The following NKAIN3 variants were observed in gnomAD, a reference collection of about 807,000 sequenced individuals.
NKAIN3 encodes sodium/potassium transporting ATPase interacting 3, also known as sodium/potassium-transporting ATPase subunit beta-1-interacting protein 3.
A neutral mutation model predicts 30.2 loss-of-function variants in NKAIN3; 25 were observed. That is an observed-to-expected ratio of 0.83 (90% CI 0.60 to 1.16). The LOEUF is 1.16. NKAIN3 is among the 50% of genes most tolerant of loss of function. The pLI is 0.00. For synonymous variants in NKAIN3, 91 were observed against 89.6 expected, an observed-to-expected ratio of 1.02 and a Z score of -0.09; for missense variants, 225 against 254.1, an observed-to-expected ratio of 0.89 and a Z score of 0.78.
At chr8:62,898,610 C>T (rs946715010) in intron 4 of NKAIN3, among the ~76,000 whole-genome samples, 3 of 152,018 alleles carry the variant, frequency 2.0e-5, no homozygotes, top group African/African-American at 7.2e-5. Flanking sequence ...TACATATTGT[C>T]TCAAACTATG....
At chr8:62,902,630 T>A (rs1170720759) in intron 4 of NKAIN3, among the ~76,000 whole-genome samples, 1 of 152,254 alleles carries the variant, frequency 6.6e-6, no homozygotes, top group Non-Finnish European at 1.5e-5. Context: ...CGTAGTCATG[T>A]GACACATTTA....
intron 3 of NKAIN3, among the ~76,000 whole-genome samples, chr8:62,745,079 A>G (rs1816024978): frequency 6.6e-6 from 1 of 152,168 alleles, no homozygotes; most frequent in Non-Finnish European, 1.5e-5. Flanking sequence ...GGGTTTCCCT[A>G]CTGTCCTTTT....
chr8:62,324,544 G>A (rs1815050330), intron 1 of NKAIN3, among the ~76,000 whole-genome samples: 1 of 152,020 alleles, frequency 6.6e-6, no homozygotes, highest in Non-Finnish European at 1.5e-5. Flanking sequence ...TTAGAAATGG[G>A]TTGTTTTATC....
At chr8:62,717,332 G>T (rs544093496) in intron 3 of NKAIN3, among the ~76,000 whole-genome samples, 1 of 152,130 alleles carries the variant, frequency 6.6e-6, no homozygotes, top group Non-Finnish European at 1.5e-5. Flanking sequence ...AACATATTAA[G>T]CTTCTCAAAT....
intron 4 of NKAIN3, among the ~76,000 whole-genome samples, chr8:62,917,335 G>T (rs1036621471): frequency 6.6e-6 from 1 of 152,156 alleles, no homozygotes; most frequent in Non-Finnish European, 1.5e-5. Flanking sequence ...CCCCTCACCT[G>T]GCTTGAGGTG....
intron 4 of NKAIN3, among the ~76,000 whole-genome samples, chr8:62,818,204 G>A (rs1014149831): frequency 6.6e-5 from 10 of 152,124 alleles, no homozygotes; most frequent in African/African-American, 1.9e-4. Context: ...TTCCTTGTTT[G>A]ATATTTACAA....
At chr8:62,574,851 A>G (rs74453699) in intron 1 of NKAIN3, among the ~76,000 whole-genome samples, 2,567 of 152,198 alleles carry the variant, frequency 0.017, 74 homozygotes, top group African/African-American at 0.059. Context: ...TCTTCTTTCA[A>G]GAAGTAACTC....
At chr8:62,285,139 G>A (rs948035444) in intron 1 of NKAIN3, among the ~76,000 whole-genome samples, 2 of 152,016 alleles carry the variant, frequency 1.3e-5, no homozygotes, top group Admixed American at 6.6e-5. Flanking sequence ...TGTATCCCAC[G>A]CTTCGCAGAT....
intron 3 of NKAIN3, among the ~76,000 whole-genome samples, chr8:62,633,630 C>T (rs1243007549): frequency 2.6e-5 from 4 of 152,098 alleles, no homozygotes; most frequent in African/African-American, 7.2e-5. Context: ...CTGGTGAAGT[C>T]GTGCCCACAA....
chr8:62,401,011 C>G (rs1803846506), intron 1 of NKAIN3, among the ~76,000 whole-genome samples: 1 of 137,540 alleles, frequency 7.3e-6, no homozygotes, highest in Non-Finnish European at 1.6e-5. Flanking sequence ...AACTTTCTAC[C>G]TTTCTCTCAC....
rs758166260 is a variant in NKAIN3 at position 62,965,445 on chromosome 8, C to T, written c.*38C>T. The T allele has an allele frequency of 2.7e-4, 262 of 985,554 alleles. No individual in the cohort carries two copies. Among genetic ancestry groups the T allele is most frequent in the Non-Finnish European group, 3.1e-4 (256 of 829,900 alleles). The allele number at this position is 985,554 out of a possible 1,614,324, so 61.1% of individuals were successfully genotyped here. On this transcript the variant is annotated 3_prime_UTR_variant, in exon 7 of 7. Transcript: ENST00000623646. ...CATTGACTGCGCGCCTCGGTGGATC[C>T]GACCCGCCTGACATTCCTTCCAGAG...
chr8:62,778,029 T>A (rs979362496), intron 4 of NKAIN3, among the ~76,000 whole-genome samples: 1 of 152,078 alleles, frequency 6.6e-6, no homozygotes. Flanking sequence ...GAAACTCTTA[T>A]TCTCTTCCCT....
intron 2 of NKAIN3, among the ~76,000 whole-genome samples, chr8:62,589,178 TTA>T (rs1415289480): frequency 6.6e-6 from 1 of 151,852 alleles, no homozygotes; most frequent in Non-Finnish European, 1.5e-5. Flanking sequence ...TTAAAATATT[TTA>T]TATGGTTATA....
At chr8:62,425,661 A>G (rs1804783490) in intron 1 of NKAIN3, among the ~76,000 whole-genome samples, 1 of 151,968 alleles carries the variant, frequency 6.6e-6, no homozygotes, top group South Asian at 2.1e-4. Context: ...TTAATAATGA[A>G]AACAAACTTG....
chr8:62,780,843 A>T (rs1299940237), intron 4 of NKAIN3, among the ~76,000 whole-genome samples: 1 of 152,056 alleles, frequency 6.6e-6, no homozygotes, highest in Non-Finnish European at 1.5e-5. Context: ...ACTGAATGGA[A>T]AAAAGTCAAA....
chr8:62,503,014 T>G (rs1201237321), intron 1 of NKAIN3, among the ~76,000 whole-genome samples: 2 of 152,186 alleles, frequency 1.3e-5, no homozygotes, highest in Non-Finnish European at 2.9e-5. Context: ...GTTGGGAACC[T>G]GGCTGCACAG....
intron 1 of NKAIN3, among the ~76,000 whole-genome samples, chr8:62,335,512 C>T (rs1032483638): frequency 6.6e-6 from 1 of 151,408 alleles, no homozygotes; most frequent in African/African-American, 2.4e-5. Context: ...TTTAAGAAGC[C>T]GCTGGTAAAA....
chr8:62,438,143 T>A (rs1489198755), intron 1 of NKAIN3, among the ~76,000 whole-genome samples: 1 of 152,206 alleles, frequency 6.6e-6, no homozygotes, highest in Admixed American at 6.5e-5. Flanking sequence ...TGCGCCTGGC[T>A]CCACACTCCT....
chr8:62,310,813 C>T (rs1180017605), intron 1 of NKAIN3, among the ~76,000 whole-genome samples: 1 of 150,280 alleles, frequency 6.7e-6, no homozygotes, highest in Admixed American at 6.6e-5. Context: ...CGAGGTGACT[C>T]CTCTGCTGCA....
Sources: allele counts gnomAD v4.1 joint callset (sites outside exome capture counted in the v4.1 genomes callset), GRCh38; gene constraint gnomAD v4.1.1; transcripts MANE v1.5; gene names NCBI Gene and HGNC (gene_info 2026-07-23, HGNC 2026-07-21).